YEATS2: variants seen among roughly 807,000 people sequenced by gnomAD.
YEATS2 encodes the protein YEATS domain containing 2.
In YEATS2, 77 loss-of-function variants were observed where a neutral mutation model predicts 163.2. The observed-to-expected ratio is 0.47, with a 90% CI of 0.39 to 0.57. YEATS2 has a LOEUF of 0.57. YEATS2 is among the 20% of genes least tolerant of loss of function. The pLI is 0.00. For synonymous variants in YEATS2, 631 were observed against 645.1 expected (o/e 0.98, Z 0.33); for missense variants, 1,549 against 1,729.8 (o/e 0.90, Z 1.85).
At position 183,731,733 on chromosome 3, in the gene YEATS2, T is replaced by G. The variant is rs1413968023; in HGVS notation, c.812+2882T>G. ...CATCTGGAGTGTTTTCTGCTAATAG[T>G]AAATGAACTTTGTTTCATTACCTGT... is the stretch of plus-strand genomic sequence containing the variant. On this transcript the variant is annotated intron_variant, in intron 7 of 30. Coordinates refer to ENST00000305135, the MANE Select transcript of YEATS2 (RefSeq NM_018023.5). 5.3e-5 allele frequency among the ~76,000 whole-genome samples: 8 copies of G among 152,322 alleles called. No homozygotes were observed. The East Asian group carries it at 1.5e-3, about 29-fold the overall frequency.
intron 21 of YEATS2, among the ~76,000 whole-genome samples, chr3:183,797,292 C>T (rs1219020419): frequency 6.7e-6 from 1 of 148,494 alleles, no homozygotes; most frequent in East Asian, 2.0e-4. Context: ...AAAAAAAGCC[C>T]AGTGCTTTGG....
chr3:183,761,520 T>C lies in YEATS2; in HGVS notation c.1670T>C (p.Leu557Ser), dbSNP rs979460663. The C allele has an allele frequency of 6.2e-7, 1 of 1,614,174 alleles. No homozygotes were observed. Among genetic ancestry groups the C allele is most frequent in the South Asian group, 1.1e-5 (1 of 91,086 alleles). The stretch of plus-strand genomic sequence containing the variant: ...TTACACACACAGCAGGAGGATTCTT[T>C]GTTTGCATCTATGCCACCTCTTTGC... ...VTSTVKQEDS[L>S]FASMPPLCPI... is the part of the protein sequence containing the mutation. Residue 557 changes from leucine to serine, a missense_variant, in exon 14 of 31, where the codon TTG (leucine) becomes TCG (serine). Transcript: ENST00000305135.
intron 15 of YEATS2, among the ~76,000 whole-genome samples, chr3:183,771,487 T>G (rs1454876341): frequency 6.6e-6 from 1 of 151,032 alleles, no homozygotes; most frequent in Non-Finnish European, 1.5e-5. Flanking sequence ...CTTCTAATTT[T>G]CATTATTTGG....
chr3:183,793,609 CTTTT>C (rs35098553), intron 21 of YEATS2: 17 of 109,610 alleles, frequency 1.6e-4, no homozygotes, highest in Non-Finnish European at 2.6e-4. Context: ...TTCTTTCTTT[CTTTT>C]TTTTTTTTTT....
rs759562256 is a variant in YEATS2 at position 183,754,185 on chromosome 3, T to C, written c.1210T>C (p.Leu404=). ...TCCGTTTTATGCTTTGCCATCTTCA[T>C]TGGAAAGAACACCCACCAAAATGAC... is the stretch of plus-strand genomic sequence containing the variant. ...HTPFYALPSS[L]ERTPTKMTTS... Residue 404 remains leucine (L), a synonymous_variant, in exon 11 of 31, where the codon TTG becomes CTG. Coordinates refer to ENST00000305135, the MANE Select transcript of YEATS2 (RefSeq NM_018023.5). 6 of 1,612,786 alleles carry C rather than the reference T, an allele frequency of 3.7e-6. No individual in the cohort carries two copies. The South Asian group carries it at 6.6e-5, about 18-fold the overall frequency.
chr3:183,709,430 G>A (rs1044739394), intron 1 of YEATS2, among the ~76,000 whole-genome samples: 7 of 148,852 alleles, frequency 4.7e-5, no homozygotes, highest in Admixed American at 2.0e-4. Flanking sequence ...CTCCTCACAG[G>A]TTCAGGAGAT....
In YEATS2 at chr3:183,798,971, C is replaced by T. The variant is rs267599705; in HGVS notation, c.3307C>T (p.Pro1103Ser). Reference protein sequence around the residue: ...APTPVVPSSAPAAVAKVKTEP... With the variant: ...APTPVVPSSASAAVAKVKTEP... ...AACTCCAGTTGTCCCCAGCTCTGCTCCAGCAGCTGTTGCAAAAGGTACGTA... is the reference window on the plus strand; with the variant it reads ...AACTCCAGTTGTCCCCAGCTCTGCTTCAGCAGCTGTTGCAAAAGGTACGTA... Residue 1103 changes from proline to serine, a missense_variant, in exon 23 of 31, where the codon CCA becomes TCA. Transcript: ENST00000305135. The T allele has an allele frequency of 6.2e-6, 10 of 1,613,860 alleles. No individual in the cohort carries two copies. In the Admixed American group the frequency reaches 8.3e-5, roughly 13 times the overall value.
chr3:183,772,185 A>T, intron 15 of YEATS2, 120 bp from the exon 16 acceptor site: 1 of 1,396,240 alleles, frequency 7.2e-7, no homozygotes, highest in Non-Finnish European at 9.9e-7. Flanking sequence ...TAGCTTTCCT[A>T]GATGACTGAA....
intron 8 of YEATS2, among the ~76,000 whole-genome samples, chr3:183,746,331 G>T (rs1299483070): frequency 6.6e-6 from 1 of 152,188 alleles, no homozygotes; most frequent in Non-Finnish European, 1.5e-5. Flanking sequence ...TGGGACTACA[G>T]AAGTGAGCCA....
At chr3:183,745,932 A>G (rs992075932) in intron 8 of YEATS2, among the ~76,000 whole-genome samples, 1 of 152,182 alleles carries the variant, frequency 6.6e-6, no homozygotes, top group African/African-American at 2.4e-5. Context: ...CCTGGATTCA[A>G]GCAATCCTCC....
At chr3:183,724,394 G>A (rs1016436115) in intron 5 of YEATS2, 25 bp from the exon 6 acceptor site, 2 of 1,534,026 alleles carry the variant, frequency 1.3e-6, no homozygotes, top group African/African-American at 2.7e-5. Context: ...AAATGAGAAT[G>A]GATGTTGATT....
intron 9 of YEATS2, among the ~76,000 whole-genome samples, chr3:183,750,313 G>A (rs908580073): frequency 1.3e-5 from 2 of 152,128 alleles, no homozygotes; most frequent in Non-Finnish European, 2.9e-5. Flanking sequence ...ACCACATTTT[G>A]TTTATCCGTT....
chr3:183,750,525 A>G (rs1472315168), intron 9 of YEATS2, among the ~76,000 whole-genome samples: 1 of 152,182 alleles, frequency 6.6e-6, no homozygotes, highest in East Asian at 1.9e-4. Context: ...TAGCCGCACC[A>G]TTTTACATTC....
At position 183,803,266 on chromosome 3, in the gene YEATS2, C is replaced by G; in HGVS notation, c.3513C>G (p.Ala1171=). 1 of 1,611,698 alleles carries G rather than the reference C, an allele frequency of 6.2e-7. No individual in the cohort carries two copies. Among genetic ancestry groups the G allele is most frequent in the Non-Finnish European group, 8.5e-7 (1 of 1,179,890 alleles). ...IPLITAKSED[A]SCFSAKSVEQ... Reference sequence around the variant, plus strand: ...GTGTGTGCATTCTAGGTGAAGATGCCAGCTGCTTTTCTGCAAAGTCTGTGG... The same window carrying G: ...GTGTGTGCATTCTAGGTGAAGATGCGAGCTGCTTTTCTGCAAAGTCTGTGG... The change falls in exon 26 of 31, where the codon GCC becomes GCG. Residue 1171 remains alanine (A), a synonymous_variant. Coordinates refer to ENST00000305135, the MANE Select transcript of YEATS2 (RefSeq NM_018023.5).
intron 22 of YEATS2, among the ~76,000 whole-genome samples, chr3:183,798,478 C>T (rs778430573): frequency 6.6e-5 from 10 of 152,098 alleles, no homozygotes; most frequent in South Asian, 2.1e-4. Context: ...CTCAGCCTCC[C>T]GAGTAGCTGG....
chr3:183,718,611 C>A lies in YEATS2; in HGVS notation c.291+19C>A. 1 of 1,573,520 alleles carries A rather than the reference C, an allele frequency of 6.4e-7. No individual in the cohort carries two copies. Among genetic ancestry groups the A allele is most frequent in the Admixed American group, 1.8e-5 (1 of 55,816 alleles). ...TTCTGAGGTAAGCATTCCTCATACC[C>A]AGTCATTTTCCAGCCACTCATATTT... On this transcript the variant is annotated intron_variant, in intron 4 of 30. Coordinates refer to ENST00000305135, the MANE Select transcript of YEATS2 (RefSeq NM_018023.5).
chr3:183,786,041 G>A (rs2108458432), intron 19 of YEATS2, 84 bp from the exon 20 acceptor site: 1 of 1,461,116 alleles, frequency 6.8e-7, no homozygotes, highest in South Asian at 1.3e-5. Flanking sequence ...CAAGTCATGG[G>A]GCGTATCTCA....
chr3:183,773,856 C>G, intron 17 of YEATS2, 62 bp downstream of exon 17: 1 of 1,518,886 alleles, frequency 6.6e-7, no homozygotes, highest in Non-Finnish European at 8.8e-7. Flanking sequence ...TTCATCTTGT[C>G]CATCTGAGGG....
intron 7 of YEATS2, 147 bp downstream of exon 7, chr3:183,728,998 T>TG: frequency 1.1e-6 from 1 of 889,802 alleles, no homozygotes; most frequent in Non-Finnish European, 1.7e-6. Context: ...GGAGGCCGGG[T>TG]GGGGTGGCTC....
Sources: gnomAD v4.1 joint callset for allele counts (sites outside exome capture counted in the v4.1 genomes callset) on GRCh38, gnomAD v4.1.1 for gene constraint, MANE v1.5 for transcripts, NCBI Gene and HGNC (gene_info 2026-07-23, HGNC 2026-07-21) for gene names.